Variants in EFCAB8 observed in about 807,000 individuals in gnomAD.
EFCAB8 encodes the protein EF-hand calcium-binding domain-containing protein 8.
In EFCAB8, 100 loss-of-function variants were observed where a neutral mutation model predicts 116.3. The ratio of observed to expected loss-of-function variants is 0.86; its 90% CI spans 0.73 to 1.02. The LOEUF (loss-of-function observed/expected upper bound fraction) is 1.02, where lower values mean the gene tolerates loss of function less well. EFCAB8 is among the 50% of genes least tolerant of loss of function. EFCAB8 has a pLI of 0.00. For synonymous variants in EFCAB8, 558 were observed against 567.9 expected (o/e 0.98, Z 0.25); for missense variants, 1,320 against 1,416.9 (o/e 0.93, Z 1.10).
intron 10 of EFCAB8, among the ~76,000 whole-genome samples, chr20:32,897,813 C>T (rs1568916919): frequency 6.6e-6 from 1 of 152,112 alleles, no homozygotes. Context: ...TGCTTGGTGA[C>T]AGTGTGTGTA....
intron 3 of EFCAB8, among the ~76,000 whole-genome samples, chr20:32,868,242 T>A (rs1392008090): frequency 2.6e-5 from 4 of 152,152 alleles, no homozygotes; most frequent in African/African-American, 9.6e-5. Flanking sequence ...AAATAATAAT[T>A]GTAGAGACGA....
At position 32,918,530 on chromosome 20, in the gene EFCAB8, C is replaced by T. The variant is rs1345647628; in HGVS notation, c.2230C>T (p.Arg744Trp). 18 of 1,551,568 alleles carry T rather than the reference C, an allele frequency of 1.2e-5. No homozygotes were observed. The East Asian group carries it at 1.7e-4, about 15-fold the overall frequency. The change falls in exon 19 of 27, where the codon CGG (arginine) becomes TGG (tryptophan). Residue 744 changes from arginine (R) to tryptophan (W), a missense_variant. Arg to Trp is a moderately radical substitution (Grantham distance 101). Coordinates refer to ENST00000400522, the MANE Select transcript of EFCAB8 (RefSeq NM_001143967.2). ...CCTGGTGTCGGCTCCCCCAGTGATG[C>T]GGTGCCCGAGAGACAAGGAGCCAGA... The part of the protein sequence containing the change: ...RSLVSAPPVM[R>W]CPRDKEPDRP...
chr20:32,880,062 G>A (rs1985242557), intron 5 of EFCAB8, among the ~76,000 whole-genome samples: 1 of 152,132 alleles, frequency 6.6e-6, no homozygotes, highest in African/African-American at 2.4e-5. Context: ...TGGGGCAGGT[G>A]GCCAGGCAGG....
Position 32,878,817 on chromosome 20 carries a change from C to A in EFCAB8, c.431+10C>A. The A allele has an allele frequency of 6.4e-7, 1 of 1,551,046 alleles. No individual in the cohort carries two copies. Among genetic ancestry groups the A allele is most frequent in the Non-Finnish European group, 8.7e-7 (1 of 1,146,094 alleles). On this transcript the variant is annotated intron_variant, in intron 5 of 26. Coordinates refer to ENST00000400522, the MANE Select transcript of EFCAB8 (RefSeq NM_001143967.2). ...TGACGGTCGTCCCCCTGTAAGGAGC[C>A]TCTTCCTGGGCCTTGGTGGGTGGGG...
Position 32,915,158 on chromosome 20 carries a change from C to T in EFCAB8, c.1857-2143C>T, listed in dbSNP as rs549326534. 3.9e-5 allele frequency among the ~76,000 whole-genome samples: 6 copies of T among 152,336 alleles called. No individual in the cohort carries two copies. In the East Asian group the frequency reaches 1.2e-3, roughly 29 times the overall value. On this transcript the variant is annotated intron_variant, in intron 17 of 26. Coordinates refer to ENST00000400522, the MANE Select transcript of EFCAB8 (RefSeq NM_001143967.2). ...TTTCAAGCAATCCTCCTGTCTTGGC[C>T]TCCCAAAGTACTGGGTTACAGGCAT...
chr20:32,915,075 A>T (rs559658119), intron 17 of EFCAB8, among the ~76,000 whole-genome samples: 44 of 152,046 alleles, frequency 2.9e-4, no homozygotes, highest in Middle Eastern at 3.4e-3. Context: ...TTAAAAAAAA[A>T]ATTTTTTTAT....
At chr20:32,886,103 C>T (rs1030479814) in intron 6 of EFCAB8, among the ~76,000 whole-genome samples, 1 of 152,212 alleles carries the variant, frequency 6.6e-6, no homozygotes, top group Non-Finnish European at 1.5e-5. Context: ...ATCCCAGGGT[C>T]AGAGTCCTAA....
intron 11 of EFCAB8, among the ~76,000 whole-genome samples, chr20:32,905,907 C>G (rs538046789): frequency 3.5e-4 from 53 of 152,156 alleles, no homozygotes; most frequent in African/African-American, 1.2e-3. Context: ...TCTCAAATGC[C>G]AAGATGCCAT....
intron 18 of EFCAB8, 58 bp from the exon 19 acceptor site, chr20:32,918,293 TCTGGGGCAGTC>T: frequency 6.8e-7 from 1 of 1,476,256 alleles, no homozygotes; most frequent in Non-Finnish European, 9.2e-7. Context: ...TTGGCATTGA[TCTGGGGCAGTC>T]CTGAATTTAC....
intron 10 of EFCAB8, 74 bp downstream of exon 10, chr20:32,896,601 A>G (rs1345710546): frequency 2.8e-6 from 2 of 704,266 alleles, no homozygotes; most frequent in Admixed American, 4.2e-5. Context: ...ATAAATGCAA[A>G]AAGTGGATTT....
chr20:32,868,562 T>C (rs978677445), intron 3 of EFCAB8, among the ~76,000 whole-genome samples: 18 of 152,362 alleles, frequency 1.2e-4, no homozygotes, highest in African/African-American at 4.1e-4. Flanking sequence ...TATCTGTTGC[T>C]GTGTGATAAT....
At chr20:32,959,289 G>A (rs1242982174) in intron 24 of EFCAB8, among the ~76,000 whole-genome samples, 2 of 152,220 alleles carry the variant, frequency 1.3e-5, no homozygotes, top group African/African-American at 4.8e-5. Context: ...ACATGATTGA[G>A]TGGATCAAGT....
At chr20:32,932,233 T>C (rs905017588) in intron 22 of EFCAB8, among the ~76,000 whole-genome samples, 1 of 152,012 alleles carries the variant, frequency 6.6e-6, no homozygotes, top group African/African-American at 2.4e-5. Flanking sequence ...AAAAATCAGC[T>C]GGGTGTGGCG....
At position 32,863,682 on chromosome 20, in the gene EFCAB8, A is replaced by G. The variant is rs186284168; in HGVS notation, c.-10-101A>G. 1,473 of 1,186,342 alleles carry G rather than the reference A, an allele frequency of 1.2e-3. 16 individuals are homozygous for G. The Admixed American group carries it at 0.013, about 10-fold the overall frequency. 73.5% of individuals were successfully genotyped at this position (1,186,342 alleles called of 1,614,324 possible). ...CAAGGGGAAGCCACCCTCTCCCTTG[A>G]CCTTGACTTCTTTTCCACCTTTCTG... On this transcript the variant is annotated intron_variant, in intron 1 of 26. Coordinates refer to ENST00000400522, the MANE Select transcript of EFCAB8 (RefSeq NM_001143967.2).
At position 32,911,769 on chromosome 20, in the gene EFCAB8, T is replaced by A. The variant is rs115695065; in HGVS notation, c.1785+62T>A. 5,267 of 1,492,178 alleles carry A rather than the reference T, an allele frequency of 3.5e-3. 122 individuals carry two copies. The African/African-American group carries it at 0.058, about 16-fold the overall frequency. 92.4% of individuals were successfully genotyped at this position (1,492,178 alleles called of 1,614,324 possible). A position where few individuals can be genotyped will look rare whatever the true frequency, so the allele number is the denominator to read the frequency against. On this transcript the variant is annotated intron_variant, in intron 16 of 26. Transcript: ENST00000400522. ...TCTTGGGAAGCAAAGCACAGCTCCTTTGACCCTGGGATGCACTATTTTTTG... is the reference window on the plus strand; with the variant it reads ...TCTTGGGAAGCAAAGCACAGCTCCTATGACCCTGGGATGCACTATTTTTTG...
intron 22 of EFCAB8, among the ~76,000 whole-genome samples, chr20:32,939,137 TTCTTTCTTTC>T (rs1239785076): frequency 3.7e-5 from 1 of 27,070 alleles, no homozygotes; most frequent in Non-Finnish European, 7.0e-5. Context: ...CTTTCTTTCT[TTCTTTCTTTC>T]TTTCTTTCTT....
intron 22 of EFCAB8, among the ~76,000 whole-genome samples, chr20:32,942,948 A>G (rs1040187577): frequency 1.3e-5 from 2 of 152,006 alleles, no homozygotes; most frequent in South Asian, 2.1e-4. Flanking sequence ...TGAGCTTTCT[A>G]TTGTCTTCCA....
intron 8 of EFCAB8, 41 bp from the exon 9 acceptor site, chr20:32,893,133 G>T (rs775329569): frequency 6.4e-7 from 1 of 1,550,678 alleles, no homozygotes. Flanking sequence ...GAGCCACCGC[G>T]CCCAGCCCAC....
At chr20:32,958,253 A>C (rs1989033624) in intron 23 of EFCAB8, among the ~76,000 whole-genome samples, 168 bp from the exon 24 acceptor site, 1 of 152,052 alleles carries the variant, frequency 6.6e-6, no homozygotes, top group South Asian at 2.1e-4. Flanking sequence ...ACGTTTGTTG[A>C]GTACTCAGTG....
Sources: allele counts gnomAD v4.1 joint callset (sites outside exome capture counted in the v4.1 genomes callset), GRCh38; gene constraint gnomAD v4.1.1; transcripts MANE v1.5; gene names NCBI Gene and HGNC (gene_info 2026-07-23, HGNC 2026-07-21).